SPART: variants seen among roughly 807,000 people sequenced by gnomAD.
SPART encodes spartin, also known as spastic paraplegia 20 (Troyer syndrome).
A neutral mutation model predicts 58.7 loss-of-function variants in SPART; 35 were observed. The ratio of observed to expected loss-of-function variants is 0.60; its 90% confidence interval spans 0.46 to 0.79. The LOEUF (loss-of-function observed/expected upper bound fraction) is 0.79, where lower values mean the gene tolerates loss of function less well. Ranked by LOEUF, SPART falls within the 30% of genes least tolerant of loss-of-function variation. The probability of loss-of-function intolerance (pLI) is 0.00; values close to 1 mark genes in which losing one functional copy is unlikely to be tolerated. For missense variants in SPART, 730 were observed against 786.1 expected, an observed-to-expected ratio of 0.93 and a Z score of 0.85; for synonymous variants, 284 against 280.7, an observed-to-expected ratio of 1.01 and a Z score of -0.12.
Position 36,322,007 on chromosome 13 carries a change from C to A in SPART, c.1288+4568G>T, listed in dbSNP as rs1882457998. On this transcript the variant is annotated intron_variant, in intron 5 of 8. Coordinates refer to ENST00000438666, the MANE Select transcript of SPART (RefSeq NM_015087.5). ...CCTTGCGACCCCCACTCCTGCCCGC[C>A]AGAGAACAAACCCCCTTGGACTGTA... 2.6e-5 allele frequency among the ~76,000 whole-genome samples: 4 copies of A among 152,128 alleles called. No individual in the cohort carries two copies. The South Asian group carries it at 6.2e-4, about 24-fold the overall frequency.
At chr13:36,367,038 C>T (rs1038323272) in intron 1 of SPART, among the ~76,000 whole-genome samples, 2 of 152,158 alleles carry the variant, frequency 1.3e-5, no homozygotes, top group Non-Finnish European at 2.9e-5. Flanking sequence ...CGGAAGTAGC[C>T]GGAAAGATTC....
chr13:36,329,557 T>C (rs774429552), intron 3 of SPART, 40 bp from the exon 4 acceptor site: 4 of 1,606,662 alleles, frequency 2.5e-6, no homozygotes, highest in Non-Finnish European at 3.4e-6. Context: ...AATCAGAATT[T>C]TTCTTAGATG....
At chr13:36,345,563 CA>C (rs1885020323) in intron 1 of SPART, 3 of 152,156 alleles carry the variant, frequency 2.0e-5, no homozygotes, top group Admixed American at 1.3e-4. Flanking sequence ...CACTTCCTTA[CA>C]ATTAGAAAGT....
At chr13:36,307,652 T>C (rs1880653675) in intron 8 of SPART, among the ~76,000 whole-genome samples, 1 of 152,118 alleles carries the variant, frequency 6.6e-6, no homozygotes, top group Non-Finnish European at 1.5e-5. Context: ...AAACTTAAGC[T>C]TCATATGTAG....
chr13:36,308,382 T>C (rs1457293240), intron 8 of SPART: 3 of 152,192 alleles, frequency 2.0e-5, no homozygotes, highest in Non-Finnish European at 4.4e-5. Flanking sequence ...TCCTCATAGT[T>C]AGAAATACAA....
chr13:36,308,704 T>A (rs1880767304), intron 8 of SPART, among the ~76,000 whole-genome samples: 1 of 151,932 alleles, frequency 6.6e-6, no homozygotes, highest in Non-Finnish European at 1.5e-5. Context: ...TTTTCTAATA[T>A]GATAATCTAA....
chr13:36,324,617 C>A lies in SPART; in HGVS notation c.1288+1958G>T, dbSNP rs977009207. On this transcript the variant is annotated intron_variant, in intron 5 of 8. Coordinates refer to ENST00000438666, the MANE Select transcript of SPART (RefSeq NM_015087.5). Reference sequence around the variant, plus strand: ...AGAAACAAATGTTTGTTGTTTTGTGCCTTTGGGTTTGGGGCAGTTTGTTAC... The same window carrying A: ...AGAAACAAATGTTTGTTGTTTTGTGACTTTGGGTTTGGGGCAGTTTGTTAC... Among the ~76,000 whole-genome samples, 3 of 152,138 alleles carry A rather than the reference C, an allele frequency of 2.0e-5. No homozygotes were observed. The East Asian group carries it at 5.8e-4, about 29-fold the overall frequency.
At chr13:36,318,764 G>A (rs1375031019) in intron 5 of SPART, among the ~76,000 whole-genome samples, 1 of 152,156 alleles carries the variant, frequency 6.6e-6, no homozygotes, top group Non-Finnish European at 1.5e-5. Context: ...CGCAGCCCGG[G>A]ATTCCTCCTA....
At chr13:36,343,546 T>G (rs1884772924) in intron 1 of SPART, among the ~76,000 whole-genome samples, 1 of 152,192 alleles carries the variant, frequency 6.6e-6, no homozygotes, top group South Asian at 2.1e-4. Flanking sequence ...TGCTGTAAGT[T>G]AACCAAAAGT....
intron 1 of SPART, among the ~76,000 whole-genome samples, chr13:36,354,172 C>A (rs1479630978): frequency 6.6e-6 from 1 of 152,090 alleles, no homozygotes; most frequent in Non-Finnish European, 1.5e-5. Context: ...ATTTGATGTC[C>A]TTTGTAGGTA....
chr13:36,364,588 A>G (rs1258825461), intron 1 of SPART, among the ~76,000 whole-genome samples: 2 of 152,194 alleles, frequency 1.3e-5, no homozygotes, highest in Admixed American at 1.3e-4. Flanking sequence ...TGAAACTTGT[A>G]TAGTTTCAGG....
intron 6 of SPART, 170 bp downstream of exon 6, chr13:36,314,057 G>GTGA: frequency 1.5e-6 from 1 of 658,504 alleles, no homozygotes; most frequent in Non-Finnish European, 2.6e-6. Context: ...ATAGGACGAT[G>GTGA]TGATGTTGCT....
intron 5 of SPART, among the ~76,000 whole-genome samples, chr13:36,317,081 A>T (rs1789466937): frequency 6.6e-6 from 1 of 151,916 alleles, no homozygotes; most frequent in Non-Finnish European, 1.5e-5. Context: ...TGGACCCAAA[A>T]CTCCGGTGCC....
At chr13:36,352,264 T>C (rs17053861) in intron 1 of SPART, among the ~76,000 whole-genome samples, 26,753 of 152,200 alleles carry the variant, frequency 0.18, 2,487 homozygotes, top group African/African-American at 0.22. Context: ...AGACCAAATA[T>C]AGTGGATGAT....
At chr13:36,344,177 G>T (rs1437556665) in intron 1 of SPART, among the ~76,000 whole-genome samples, 1 of 152,086 alleles carries the variant, frequency 6.6e-6, no homozygotes, top group Non-Finnish European at 1.5e-5. Flanking sequence ...AGAGTGTCCC[G>T]TCGTAGAAAG....
intron 5 of SPART, among the ~76,000 whole-genome samples, chr13:36,319,648 T>A (rs142842364): frequency 0.12 from 14,302 of 118,570 alleles, 1,121 homozygotes; most frequent in East Asian, 0.3. Flanking sequence ...TACTCTCATA[T>A]CCTCAGTACC....
rs1436187357 is a variant in SPART at position 36,314,412 on chromosome 13, C to A, written c.1298G>T (p.Trp433Leu). The change falls in exon 6 of 9, where the codon TGG becomes TTG. Residue 433 changes from tryptophan (W) to leucine (L), a missense_variant. By Grantham distance (61) the Trp-to-Leu change is moderately conservative. Transcript: ENST00000438666. ...VAHNILSGAS[W>L]VSWGLVKGAE... Reference sequence around the variant, plus strand: ...ACCTTTGACTAAACCCCAACTCACCCAGGAAGCACCTTTTTAAAAGAAAAT... The same window carrying A: ...ACCTTTGACTAAACCCCAACTCACCAAGGAAGCACCTTTTTAAAAGAAAAT... 4 of 1,614,116 alleles carry A rather than the reference C, an allele frequency of 2.5e-6. No homozygotes were observed. The South Asian group carries it at 4.4e-5, about 18-fold the overall frequency.
At chr13:36,327,600 A>G (rs1414896499) in intron 4 of SPART, among the ~76,000 whole-genome samples, 1 of 152,220 alleles carries the variant, frequency 6.6e-6, no homozygotes, top group Non-Finnish European at 1.5e-5. Flanking sequence ...TATGTTTTAC[A>G]TGCCACCATT....
chr13:36,304,479 C>T lies in SPART; in HGVS notation c.1887G>A (p.Gln629=). 1 of 1,614,140 alleles carries T rather than the reference C, an allele frequency of 6.2e-7. No homozygotes were observed. The highest frequency in any genetic ancestry group is 8.5e-7 in the Non-Finnish European group (1 of 1,180,014). ...TTTCCCTCTGAGAATTATCAACTAT[C>T]TGATAGTCCTCAAGGAGAGTGTGTC... ...QTGHTLLEDY[Q]IVDNSQRENQ... Residue 629 remains glutamine, a synonymous_variant, in exon 9 of 9, where the codon CAG becomes CAA. Transcript: ENST00000438666.
Sources: gnomAD v4.1 joint callset for allele counts (sites outside exome capture counted in the v4.1 genomes callset) on GRCh38, gnomAD v4.1.1 for gene constraint, MANE v1.5 for transcripts, NCBI Gene and HGNC (gene_info 2026-07-23, HGNC 2026-07-21) for gene names.